ARHGEF12: variants seen among roughly 807,000 people sequenced by gnomAD.
ARHGEF12 encodes KMT2A/ARHGEF12 fusion protein.
In ARHGEF12, 66 loss-of-function variants were observed where a neutral mutation model predicts 211.2. That is an observed-to-expected ratio of 0.31 (90% CI 0.26 to 0.38). The LOEUF (loss-of-function observed/expected upper bound fraction) is 0.38, where lower values mean the gene tolerates loss of function less well. Among genes scored for constraint, ARHGEF12 ranks in the 10% least tolerant of loss-of-function variants. The pLI, the probability that ARHGEF12 is intolerant of heterozygous loss-of-function variation, is 1.00. For synonymous variants in ARHGEF12, 592 were observed against 638.4 expected (o/e 0.93, Z 1.09); for missense variants, 1,429 against 1,869.5 (o/e 0.76, Z 4.34).
At chr11:120,370,236 A>G (rs1211392576) in intron 1 of ARHGEF12, among the ~76,000 whole-genome samples, 1 of 152,122 alleles carries the variant, frequency 6.6e-6, no homozygotes, top group Non-Finnish European at 1.5e-5. Context: ...AGCCCCATTC[A>G]CTGTGCAGTC....
chr11:120,437,894 T>A (rs544987383), intron 12 of ARHGEF12, among the ~76,000 whole-genome samples: 3 of 152,240 alleles, frequency 2.0e-5, no homozygotes, highest in African/African-American at 4.8e-5. Flanking sequence ...TGTTGTAGCA[T>A]GTGTCAGAAT....
intron 12 of ARHGEF12, among the ~76,000 whole-genome samples, chr11:120,437,775 G>C (rs1945738654): frequency 1.3e-5 from 2 of 152,008 alleles, no homozygotes; most frequent in Admixed American, 1.3e-4. Context: ...TCTACTTTCT[G>C]TCTCTATGAA....
At chr11:120,482,230 C>G (rs755013495) in intron 39 of ARHGEF12, among the ~76,000 whole-genome samples, 54 of 152,174 alleles carry the variant, frequency 3.5e-4, no homozygotes, top group Admixed American at 9.8e-4. Context: ...AGTTATGAAT[C>G]TAGGCTGAGA....
intron 1 of ARHGEF12, among the ~76,000 whole-genome samples, chr11:120,398,023 CA>C (rs1293311908): frequency 6.6e-6 from 1 of 152,022 alleles, no homozygotes; most frequent in African/African-American, 2.4e-5. Context: ...CTTCTTTGGA[CA>C]TAAAGAAAGT....
intron 11 of ARHGEF12, among the ~76,000 whole-genome samples, chr11:120,435,010 G>A (rs1945652396): frequency 6.6e-6 from 1 of 151,988 alleles, no homozygotes; most frequent in Non-Finnish European, 1.5e-5. Flanking sequence ...TTAAAATATA[G>A]CTATAATATT....
At chr11:120,477,093 G>A in intron 34 of ARHGEF12, 126 bp from the exon 35 acceptor site, 1 of 658,414 alleles carries the variant, frequency 1.5e-6, no homozygotes, top group Non-Finnish European at 2.6e-6. Context: ...TGTTGTTGTT[G>A]TTGTTGTTGT....
chr11:120,475,531 C>G lies in ARHGEF12; in HGVS notation c.3277+24C>G, dbSNP rs760372535. The G allele has an allele frequency of 4.4e-6, 7 of 1,606,884 alleles. No individual in the cohort carries two copies. In the African/African-American group the frequency reaches 6.7e-5, roughly 15 times the overall value. ...AGGCAAGTATGTCCACTGAAGGATA[C>G]TAATTTCCAGATTCATTGTGAAGTT... On this transcript the variant is annotated intron_variant, in intron 33 of 40. Transcript: ENST00000397843.
chr11:120,416,761 C>T (rs1591563454), intron 4 of ARHGEF12, among the ~76,000 whole-genome samples: 1 of 152,216 alleles, frequency 6.6e-6, no homozygotes, highest in African/African-American at 2.4e-5. Context: ...AGCGATTCTC[C>T]TGCCTCAGCC....
rs1279046426 is a variant in ARHGEF12 at position 120,449,084 on chromosome 11, C to G, written c.1738-25C>G. 1.9e-6 allele frequency: 3 copies of G among 1,597,236 alleles called. No homozygotes were observed. In the Admixed American group the frequency reaches 5.1e-5, roughly 27 times the overall value. On this transcript the variant is annotated intron_variant, in intron 20 of 40. Transcript: ENST00000397843. The stretch of plus-strand genomic sequence containing the variant: ...AAGAAATTTACTCTGTTACGTATCT[C>G]TTATTTTTTGTACTTCAACTCTAGC...
In ARHGEF12 at chr11:120,475,429, G is replaced by A; in HGVS notation, c.3199G>A (p.Ala1067Thr). Residue 1067 changes from alanine (A) to threonine (T), a missense_variant, in exon 33 of 41, where the codon GCA becomes ACA. Physicochemically the swap from Ala to Thr is moderately conservative, Grantham distance 58 (BLOSUM62 0). This residue lies in a region of ARHGEF12 where 223 missense variants were observed against 444.6 expected (regional missense o/e 0.50). Transcript: ENST00000397843. ...LVLRCHSKILASTADSKHTFS... is the reference protein window; with the variant it reads ...LVLRCHSKILTSTADSKHTFS... The stretch of plus-strand genomic sequence containing the variant: ...TTTAAGGTGTCATAGTAAGATTCTG[G>A]CATCTACAGCTGATAGCAAACACAC... 6.2e-7 allele frequency: 1 copy of A among 1,614,040 alleles called. No homozygotes were observed. Among genetic ancestry groups the A allele is most frequent in the Non-Finnish European group, 8.5e-7 (1 of 1,180,000 alleles).
At chr11:120,417,186 T>G (rs1485629606) in intron 4 of ARHGEF12, among the ~76,000 whole-genome samples, 3 of 152,152 alleles carry the variant, frequency 2.0e-5, no homozygotes, top group Non-Finnish European at 4.4e-5. Flanking sequence ...CCCTCATGTT[T>G]TACAGGTGTC....
intron 34 of ARHGEF12, 180 bp downstream of exon 34, chr11:120,476,928 C>A: frequency 1.7e-6 from 1 of 595,366 alleles, no homozygotes; most frequent in Non-Finnish European, 2.9e-6. Flanking sequence ...TATTTTGATT[C>A]TATTCTGAAA....
intron 29 of ARHGEF12, among the ~76,000 whole-genome samples, chr11:120,469,001 G>C (rs1227316388): frequency 6.6e-6 from 1 of 152,148 alleles, no homozygotes; most frequent in Non-Finnish European, 1.5e-5. Flanking sequence ...GTATAGTATA[G>C]TGGTCCTGGT....
chr11:120,473,344 C>T (rs942874955), intron 31 of ARHGEF12, among the ~76,000 whole-genome samples: 6 of 152,078 alleles, frequency 3.9e-5, no homozygotes, highest in Non-Finnish European at 5.9e-5. Flanking sequence ...TGTAATATTA[C>T]ATGACAGCAA....
rs150522193 is a variant in ARHGEF12 at position 120,379,780 on chromosome 11, A to G, written c.33-26338A>G. Among the ~76,000 whole-genome samples, 997 of 152,154 alleles carry G rather than the reference A, an allele frequency of 6.6e-3. 10 individuals carry two copies. The highest frequency in any genetic ancestry group is 0.023 in the African/African-American group (945 of 41,510). On this transcript the variant is annotated intron_variant, in intron 1 of 40. Transcript: ENST00000397843. ...TAAACCTACCTGGCATTCTTAGGAT[A>G]AACCCCATTTGGTTTATCCTAATGG...
chr11:120,452,718 G>T (rs1013627815), intron 22 of ARHGEF12, among the ~76,000 whole-genome samples: 1 of 152,134 alleles, frequency 6.6e-6, no homozygotes, highest in Non-Finnish European at 1.5e-5. Context: ...AGACAAGGTC[G>T]GGTGCAGTGG....
At chr11:120,469,248 C>A in intron 29 of ARHGEF12, 40 bp from the exon 30 acceptor site, 1 of 1,477,416 alleles carries the variant, frequency 6.8e-7, no homozygotes, top group Non-Finnish European at 9.3e-7. Flanking sequence ...TGGTTTTTTG[C>A]TCAGTTCTTT....
intron 30 of ARHGEF12, 124 bp from the exon 31 acceptor site, chr11:120,472,926 A>G: frequency 1.3e-6 from 1 of 769,528 alleles, no homozygotes; most frequent in Non-Finnish European, 2.2e-6. Context: ...AAGTGCTGAG[A>G]TTACAGGTGT....
intron 27 of ARHGEF12, among the ~76,000 whole-genome samples, chr11:120,461,985 T>TTCAAACTTCCTCCTTACCAGC (rs1555119012): frequency 0.021 from 3,270 of 152,172 alleles, 137 homozygotes; most frequent in South Asian, 0.16. Flanking sequence ...TTATACAGAC[T>TTCAAACTTCCTCCTTACCAGC]AATAGGCTGT....
Sources: allele counts gnomAD v4.1 joint callset (sites outside exome capture counted in the v4.1 genomes callset), GRCh38; gene constraint gnomAD v4.1.1; regional missense constraint gnomAD v4.1.1; transcripts MANE v1.5; gene names NCBI Gene and HGNC (gene_info 2026-07-23, HGNC 2026-07-21).